COL4A4: variants seen among roughly 807,000 people sequenced by gnomAD.
The protein encoded by COL4A4 is collagen type IV alpha 4 chain, also known as collagen alpha-4(IV) chain.
A neutral mutation model predicts 192.9 loss-of-function variants in COL4A4; 105 were observed. That is an observed-to-expected ratio of 0.54 (90% CI 0.46 to 0.64). The LOEUF (loss-of-function observed/expected upper bound fraction) is 0.64, where lower values mean the gene tolerates loss of function less well. Among genes scored for constraint, COL4A4 ranks in the 30% least tolerant of loss-of-function variants. The pLI is 0.00. For synonymous variants in COL4A4, 762 were observed against 769.9 expected, an observed-to-expected ratio of 0.99 and a Z score of 0.17; for missense variants, 1,967 against 2,169.3, an observed-to-expected ratio of 0.91 and a Z score of 1.85.
At chr2:227,050,002 T>C in intron 34 of COL4A4, 66 bp downstream of exon 34, 3 of 1,492,482 alleles carry the variant, frequency 2.0e-6, no homozygotes, top group Non-Finnish European at 2.8e-6. Context: ...AAGGCACTTG[T>C]TTACAATGTT....
rs1161487989 is a variant in COL4A4 at position 227,012,298 on chromosome 2, C to T, written c.4217-1G>A. The T allele has an allele frequency of 6.2e-7, 1 of 1,613,280 alleles. No individual in the cohort carries two copies. Among genetic ancestry groups the T allele is most frequent in the Non-Finnish European group, 8.5e-7 (1 of 1,179,358 alleles). On this transcript the variant is annotated splice_acceptor_variant, in intron 44 of 47. Transcript: ENST00000396625. LOFTEE classifies it high-confidence loss of function. Reference sequence around the variant, plus strand: ...TCCAGCCCAGGCTCTCCTTTGCACCCTGCACAAAAGTTTATGATGCTGGTG... The same window carrying T: ...TCCAGCCCAGGCTCTCCTTTGCACCTTGCACAAAAGTTTATGATGCTGGTG...
In COL4A4 at chr2:227,078,082, G is replaced by C; in HGVS notation, c.1804-5C>G. 2 of 1,613,704 alleles carry C rather than the reference G, an allele frequency of 1.2e-6. No individual in the cohort carries two copies. The highest frequency in any genetic ancestry group is 1.7e-6 in the Non-Finnish European group (2 of 1,179,874). ...GGTCGCATCTTCATGATCCCCCTGG[G>C]AATGTTATGTCATGAGTCAATTACC... On this transcript the variant is annotated splice_region_variant and splice_polypyrimidine_tract_variant and intron_variant, in intron 24 of 47. Coordinates refer to ENST00000396625, the MANE Select transcript of COL4A4 (RefSeq NM_000092.5).
chr2:226,982,062 A>G, the COL4A4 span, among the ~76,000 whole-genome samples: 23 of 152,292 alleles, frequency 1.5e-4, no homozygotes, highest in Middle Eastern at 3.4e-3. Context: ...CCTCTTTCAC[A>G]TATTTTCAAC....
intron 44 of COL4A4, among the ~76,000 whole-genome samples, chr2:227,018,351 T>C (rs1965338710): frequency 6.6e-6 from 1 of 152,208 alleles, no homozygotes; most frequent in African/African-American, 2.4e-5. Context: ...ATGAGCAACA[T>C]GGCCTACAGA....
At chr2:226,985,657 G>A in the COL4A4 span, among the ~76,000 whole-genome samples, 5 of 152,336 alleles carry the variant, frequency 3.3e-5, no homozygotes, top group East Asian at 5.8e-4. Flanking sequence ...AAACTACAGC[G>A]GCCTGGGCTC....
In COL4A4 at chr2:227,103,068, A is replaced by T. The variant is rs909289187; in HGVS notation, c.870+76T>A. 1.9e-5 allele frequency: 26 copies of T among 1,341,314 alleles called. No individual in the cohort carries two copies. In the African/African-American group the frequency reaches 3.7e-4, roughly 19 times the overall value. 83.1% of individuals were successfully genotyped at this position (1,341,314 alleles called of 1,614,324 possible). ...ATTAGCACTTAAAGCAATGATAAAG[A>T]CCATGAGAAATAACATTTTAAGTTA... On this transcript the variant is annotated intron_variant, in intron 14 of 47. Coordinates refer to ENST00000396625, the MANE Select transcript of COL4A4 (RefSeq NM_000092.5).
At chr2:227,098,109 C>T (rs767396486) in intron 19 of COL4A4, among the ~76,000 whole-genome samples, 3 of 152,054 alleles carry the variant, frequency 2.0e-5, no homozygotes, top group Non-Finnish European at 2.9e-5. Context: ...TTGTTTTTGA[C>T]GCGAGGGAAG....
At chr2:227,149,632 T>G (rs2063784053) in intron 1 of COL4A4, among the ~76,000 whole-genome samples, 1 of 135,350 alleles carries the variant, frequency 7.4e-6, no homozygotes, top group South Asian at 2.3e-4. Context: ...ATTTGATATT[T>G]TTTAATAAAT....
At chr2:227,164,333 C>T (rs916175543), upstream of COL4A4, 1 of 335,088 alleles carries the variant, frequency 3.0e-6, no homozygotes, top group Non-Finnish European at 5.5e-6. This position sits in a 1 kb window ranked among gnomAD's most constrained non-coding sequence, Gnocchi z 4.8. Context: ...CCACCTCCGA[C>T]CGCACCCCAC....
At chr2:227,095,620 C>G (rs115465888) in intron 19 of COL4A4, among the ~76,000 whole-genome samples, 4,528 of 152,268 alleles carry the variant, frequency 0.03, 127 homozygotes, top group Non-Finnish European at 0.043. Flanking sequence ...GCTGGCCAGG[C>G]CCGGTGGCTC....
At chr2:227,049,302 T>C (rs1423497910) in intron 34 of COL4A4, among the ~76,000 whole-genome samples, 1 of 152,248 alleles carries the variant, frequency 6.6e-6, no homozygotes, top group East Asian at 1.9e-4. Context: ...TGTGTTACAA[T>C]GCAGCACTGT....
chr2:227,120,203 G>C (rs190324578), intron 5 of COL4A4, among the ~76,000 whole-genome samples: 1 of 152,082 alleles, frequency 6.6e-6, no homozygotes, highest in Non-Finnish European at 1.5e-5. Context: ...TCCGAATCTC[G>C]ATCCTAGAGT....
intron 36 of COL4A4, 84 bp downstream of exon 36, chr2:227,042,971 TGGCAGAGCCATATCTGAATTTA>T: frequency 2.4e-6 from 2 of 837,716 alleles, no homozygotes; most frequent in South Asian, 1.4e-5. Flanking sequence ...GTCTGGGAAA[TGGCAGAGCCATATCTGAATTTA>T]GGTCTAATTA....
At chr2:227,087,006 TG>T (rs2059637864) in intron 22 of COL4A4, among the ~76,000 whole-genome samples, 1 of 152,168 alleles carries the variant, frequency 6.6e-6, no homozygotes, top group African/African-American at 2.4e-5. Flanking sequence ...TGAGATTTTC[TG>T]GGGAAAATGG....
rs1559478390 is a variant in COL4A4 at position 227,041,856 on chromosome 2, A to AGAGAGAG, written c.3505+291_3505+292insCTCTCTC. 1.2e-4 allele frequency among the ~76,000 whole-genome samples: 12 copies of AGAGAGAG among 97,040 alleles called. 1 individual carries two copies. The highest frequency in any genetic ancestry group is 3.7e-4 in the South Asian group (1 of 2,706). 63.7% of individuals were successfully genotyped at this position (97,040 alleles called of 152,430 possible). On this transcript the variant is annotated intron_variant, in intron 37 of 47. Transcript: ENST00000396625. ...AGAAAGAAAGAAAGAAAGAGAAAGA[A>AGAGAGAG]AGAAAGAAAGAAAGAAAGAAAGAAA...
chr2:227,031,953 CCAT>C lies in COL4A4; in HGVS notation c.3806_3808del (p.Asp1269del). 6.2e-7 allele frequency: 1 copy of C among 1,610,258 alleles called. No homozygotes were observed. The highest frequency in any genetic ancestry group is 8.5e-7 in the Non-Finnish European group (1 of 1,176,604). ...TCATGATTCTCTCATACCTCTTGGG[CCAT>C]CAGGACCAGGAGGTCCCTGATCTCC... On this transcript the variant is annotated inframe_deletion, in exon 40 of 48. Coordinates refer to ENST00000396625, the MANE Select transcript of COL4A4 (RefSeq NM_000092.5).
intron 34 of COL4A4, among the ~76,000 whole-genome samples, chr2:227,049,346 C>A (rs1973557228): frequency 6.6e-6 from 1 of 152,162 alleles, no homozygotes; most frequent in Admixed American, 6.5e-5. Context: ...CCCGTGGGGC[C>A]AAATCTAGCC....
At chr2:227,087,883 CCTGCT>C (rs965393690) in intron 22 of COL4A4, among the ~76,000 whole-genome samples, 1 of 152,204 alleles carries the variant, frequency 6.6e-6, no homozygotes, top group African/African-American at 2.4e-5. Context: ...GACTTCATTT[CCTGCT>C]CTGCCCCTCT....
intron 5 of COL4A4, 160 bp downstream of exon 5, chr2:227,120,854 G>A (rs768900549): frequency 1.5e-4 from 124 of 831,136 alleles, no homozygotes; most frequent in African/African-American, 8.5e-5. Flanking sequence ...TGGGAGGCTC[G>A]CTTGAACCTG....
Sources: gnomAD v4.1 joint callset for allele counts (sites outside exome capture counted in the v4.1 genomes callset) on GRCh38, gnomAD v4.1.1 for gene constraint, Gnocchi (gnomAD v3.1) non-coding constraint, MANE v1.5 for transcripts, NCBI Gene and HGNC (gene_info 2026-07-23, HGNC 2026-07-21) for gene names.